The following CFAP299 variants were observed in gnomAD, a reference collection of about 807,000 sequenced individuals.
CFAP299 encodes the protein cilia and flagella associated protein 299, also known as cilia- and flagella-associated protein 299.
A neutral mutation model predicts 27.0 loss-of-function variants in CFAP299; 21 were observed. That is an observed-to-expected ratio of 0.78 (90% confidence interval 0.55 to 1.12). CFAP299 has a LOEUF of 1.12. Among genes scored for constraint, CFAP299 ranks in the 50% most tolerant of loss-of-function variants. The pLI, the probability that CFAP299 is intolerant of heterozygous loss-of-function variation, is 0.00. For synonymous variants in CFAP299, 104 were observed against 98.1 expected (o/e 1.06, Z -0.36); for missense variants, 310 against 276.6 (o/e 1.12, Z -0.86).
chr4:80,901,934 A>AG (rs1734920834), intron 4 of CFAP299, among the ~76,000 whole-genome samples: 1 of 152,056 alleles, frequency 6.6e-6, no homozygotes, highest in African/African-American at 2.4e-5. Flanking sequence ...CACTTGACTT[A>AG]GGCTAAAGTT....
At chr4:80,924,720 G>A (rs75874454) in intron 4 of CFAP299, among the ~76,000 whole-genome samples, 6,634 of 151,082 alleles carry the variant, frequency 0.044, 437 homozygotes, top group African/African-American at 0.14. Flanking sequence ...CTATAGATGA[G>A]AATGCTTATC....
At chr4:80,340,298 A>T (rs1348971474) in intron 1 of CFAP299, among the ~76,000 whole-genome samples, 1 of 152,112 alleles carries the variant, frequency 6.6e-6, no homozygotes, top group Non-Finnish European at 1.5e-5. Context: ...GTTGCAACCC[A>T]CAGATCAGGA....
chr4:80,565,768 G>C (rs1735251176), intron 2 of CFAP299, among the ~76,000 whole-genome samples: 1 of 151,976 alleles, frequency 6.6e-6, no homozygotes, highest in Non-Finnish European at 1.5e-5. Context: ...GCCTTAAACT[G>C]TTTTGAATAA....
At chr4:80,641,110 A>T (rs1301442377) in intron 3 of CFAP299, among the ~76,000 whole-genome samples, 1 of 152,216 alleles carries the variant, frequency 6.6e-6, no homozygotes, top group African/African-American at 2.4e-5. Flanking sequence ...TTAACTGAAT[A>T]TGTATATGCA....
chr4:80,370,519 G>A lies in CFAP299; in HGVS notation c.242+7635G>A, dbSNP rs1041036410. On this transcript the variant is annotated intron_variant, in intron 2 of 5. Coordinates refer to ENST00000358105, the MANE Select transcript of CFAP299 (RefSeq NM_152770.3). Reference sequence around the variant, plus strand: ...TATGAGCCTGTAAAATCAAAAACAAGTTAGTTACTTCCAGGATACAATGGG... The same window carrying A: ...TATGAGCCTGTAAAATCAAAAACAAATTAGTTACTTCCAGGATACAATGGG... Among the ~76,000 whole-genome samples, 10 of 152,310 alleles carry A rather than the reference G, an allele frequency of 6.6e-5. No homozygotes were observed. In the South Asian group the frequency reaches 1.9e-3, roughly 28 times the overall value.
intron 2 of CFAP299, among the ~76,000 whole-genome samples, chr4:80,501,879 G>T (rs1431606150): frequency 1.3e-5 from 2 of 151,630 alleles, no homozygotes; most frequent in East Asian, 3.9e-4. Flanking sequence ...TGATCATTTT[G>T]CTAAGGCTCT....
chr4:80,815,035 C>T (rs554991796), intron 3 of CFAP299, among the ~76,000 whole-genome samples: 47 of 152,072 alleles, frequency 3.1e-4, no homozygotes, highest in Admixed American at 1.6e-3. Context: ...TAAACCAAAC[C>T]TGTCAAACAT....
chr4:80,866,137 A>G (rs1455385842), intron 3 of CFAP299, among the ~76,000 whole-genome samples: 3 of 141,608 alleles, frequency 2.1e-5, no homozygotes, highest in Non-Finnish European at 3.1e-5. Flanking sequence ...ATGTAACCAT[A>G]CTTGGAAAGA....
intron 3 of CFAP299, among the ~76,000 whole-genome samples, chr4:80,681,190 T>A (rs537188343): frequency 6.6e-6 from 1 of 152,306 alleles, no homozygotes; most frequent in East Asian, 1.9e-4. Flanking sequence ...CTTGTAACTG[T>A]TATTGTTTTG....
intron 4 of CFAP299, among the ~76,000 whole-genome samples, chr4:80,893,300 A>G (rs1463029777): frequency 6.6e-6 from 1 of 151,904 alleles, no homozygotes; most frequent in Non-Finnish European, 1.5e-5. Context: ...AAATGTTTAT[A>G]CTTCCTAAAT....
intron 3 of CFAP299, among the ~76,000 whole-genome samples, chr4:80,595,081 G>C (rs955886091): frequency 2.6e-5 from 4 of 152,086 alleles, no homozygotes; most frequent in Admixed American, 1.3e-4. Context: ...GGGTGTTTGA[G>C]GGGAATGACT....
At chr4:80,783,662 T>TTA (rs1342943112) in intron 3 of CFAP299, among the ~76,000 whole-genome samples, 1 of 152,178 alleles carries the variant, frequency 6.6e-6, no homozygotes, top group East Asian at 1.9e-4. Flanking sequence ...TTCAAAGTGC[T>TTA]TATACATATA....
chr4:80,388,237 A>G, intron 2 of CFAP299: 1 of 693,656 alleles, frequency 1.4e-6, no homozygotes, highest in East Asian at 2.7e-5. Flanking sequence ...TGCTCTGCAC[A>G]GGTCGCGGGC....
intron 4 of CFAP299, among the ~76,000 whole-genome samples, chr4:80,941,439 A>T (rs564418474): frequency 5.9e-5 from 9 of 152,320 alleles, no homozygotes; most frequent in African/African-American, 2.2e-4. Context: ...TAACTGGAAT[A>T]TACTGCATAC....
intron 2 of CFAP299, chr4:80,386,854 G>A: frequency 3.4e-6 from 3 of 879,634 alleles, no homozygotes; most frequent in South Asian, 2.7e-5. Context: ...CTCTCTTACA[G>A]TTTGTCCTTG....
intron 3 of CFAP299, among the ~76,000 whole-genome samples, chr4:80,826,048 TG>T (rs1729968690): frequency 6.6e-6 from 1 of 151,868 alleles, no homozygotes; most frequent in Non-Finnish European, 1.5e-5. Flanking sequence ...TGAGCAGACA[TG>T]TATAAAGGTG....
At chr4:80,856,643 C>G (rs1435410979) in intron 3 of CFAP299, among the ~76,000 whole-genome samples, 3 of 152,126 alleles carry the variant, frequency 2.0e-5, no homozygotes, top group African/African-American at 7.2e-5. Flanking sequence ...TTTCCCAGCA[C>G]CATTTACTAA....
At chr4:80,678,341 C>G (rs1392256908) in intron 3 of CFAP299, among the ~76,000 whole-genome samples, 1 of 152,024 alleles carries the variant, frequency 6.6e-6, no homozygotes, top group Non-Finnish European at 1.5e-5. Context: ...GTGGCTTCTA[C>G]TCTGAGCATT....
intron 2 of CFAP299, among the ~76,000 whole-genome samples, chr4:80,375,063 A>G (rs1276167125): frequency 6.6e-6 from 1 of 152,178 alleles, no homozygotes; most frequent in Admixed American, 6.5e-5. Context: ...AACCTGGAAC[A>G]AGCAATGGCC....
Sources: gnomAD v4.1 joint callset for allele counts (sites outside exome capture counted in the v4.1 genomes callset) on GRCh38, gnomAD v4.1.1 for gene constraint, MANE v1.5 for transcripts, NCBI Gene and HGNC (gene_info 2026-07-23, HGNC 2026-07-21) for gene names.